SUGCT: variants seen among roughly 807,000 people sequenced by gnomAD.
SUGCT encodes the protein succinyl-CoA:glutarate-CoA transferase.
A neutral mutation model predicts 55.0 loss-of-function variants in SUGCT; 41 were observed. The ratio of observed to expected loss-of-function variants is 0.74; its 90% CI spans 0.58 to 0.97. SUGCT has a LOEUF of 0.97. Among genes scored for constraint, SUGCT ranks in the 50% least tolerant of loss-of-function variants. The pLI, the probability that SUGCT is intolerant of heterozygous loss-of-function variation, is 0.00. For synonymous variants in SUGCT, 187 were observed against 200.4 expected (o/e 0.93, Z 0.56); for missense variants, 568 against 547.8 (o/e 1.04, Z -0.37).
At chr7:40,823,489 C>T (rs903051401) in intron 13 of SUGCT, among the ~76,000 whole-genome samples, 3 of 152,052 alleles carry the variant, frequency 2.0e-5, no homozygotes, top group African/African-American at 7.2e-5. Flanking sequence ...AAGGTGGTAA[C>T]TGTCGTTTCA....
chr7:40,894,883 C>G, the SUGCT span, among the ~76,000 whole-genome samples: 5,388 of 152,190 alleles, frequency 0.035, 307 homozygotes, highest in African/African-American at 0.12. Flanking sequence ...TTAGTTCGGC[C>G]ACGTAGAAAG....
At chr7:40,729,847 T>TATCC (rs1222830736) in intron 12 of SUGCT, among the ~76,000 whole-genome samples, 16 of 152,204 alleles carry the variant, frequency 1.1e-4, no homozygotes, top group African/African-American at 3.9e-4. Context: ...ATGTAGGTTG[T>TATCC]ATCCAAGGGT....
chr7:40,170,557 A>G (rs1052067983), intron 1 of SUGCT, among the ~76,000 whole-genome samples: 2 of 152,244 alleles, frequency 1.3e-5, no homozygotes, highest in South Asian at 2.1e-4. Context: ...TCCAATGAGC[A>G]TTAGTCCTAG....
At chr7:40,249,609 T>C (rs1042398052) in intron 7 of SUGCT, among the ~76,000 whole-genome samples, 1 of 151,798 alleles carries the variant, frequency 6.6e-6, no homozygotes, top group Non-Finnish European at 1.5e-5. Flanking sequence ...TAAGTATTAG[T>C]TCACTAACAA....
intron 12 of SUGCT, among the ~76,000 whole-genome samples, chr7:40,569,837 T>C (rs1796346273): frequency 6.6e-6 from 1 of 152,232 alleles, no homozygotes; most frequent in African/African-American, 2.4e-5. Flanking sequence ...TTTAATCATG[T>C]TAAGCCTTCG....
intron 9 of SUGCT, among the ~76,000 whole-genome samples, chr7:40,348,699 CCTT>C (rs1562702961): frequency 1.3e-5 from 2 of 152,110 alleles, no homozygotes; most frequent in African/African-American, 4.8e-5. Context: ...TATTTTTGCT[CCTT>C]TTCTTCTTCC....
At chr7:40,740,362 A>T (rs1370529298) in intron 12 of SUGCT, among the ~76,000 whole-genome samples, 1 of 150,580 alleles carries the variant, frequency 6.6e-6, no homozygotes, top group Non-Finnish European at 1.5e-5. Context: ...TCCTTTTTAA[A>T]TTTTTCTTTT....
intron 10 of SUGCT, among the ~76,000 whole-genome samples, 186 bp downstream of exon 10, chr7:40,449,544 T>G (rs907194519): frequency 2.7e-4 from 41 of 152,294 alleles, no homozygotes; most frequent in African/African-American, 9.6e-4. Flanking sequence ...TTTGGCTGTA[T>G]TTTAAAGTGA....
At chr7:40,986,117 C>T in the SUGCT span, among the ~76,000 whole-genome samples, 15 of 152,314 alleles carry the variant, frequency 9.8e-5, no homozygotes, top group South Asian at 2.9e-3. Context: ...TGATTACCAA[C>T]AGAATCCTCA....
chr7:41,024,815 A>G, the SUGCT span, among the ~76,000 whole-genome samples: 1 of 152,200 alleles, frequency 6.6e-6, no homozygotes, highest in African/African-American at 2.4e-5. Context: ...TTCAGACCCT[A>G]CAACCTGGGT....
At chr7:40,553,265 G>C (rs1315756359) in intron 12 of SUGCT, among the ~76,000 whole-genome samples, 1 of 152,078 alleles carries the variant, frequency 6.6e-6, no homozygotes, top group Non-Finnish European at 1.5e-5. Flanking sequence ...TGCAAATTAG[G>C]GAACTCCTAG....
chr7:40,721,181 T>C (rs1389064173), intron 12 of SUGCT, among the ~76,000 whole-genome samples: 1 of 152,220 alleles, frequency 6.6e-6, no homozygotes, highest in Admixed American at 6.5e-5. Context: ...ACTATCTGCC[T>C]GTTGCTGTGT....
chr7:40,344,012 G>A (rs936928673), intron 9 of SUGCT, among the ~76,000 whole-genome samples: 4 of 152,158 alleles, frequency 2.6e-5, no homozygotes, highest in Admixed American at 6.5e-5. Context: ...CCTGTTCCCA[G>A]GAGGTTGCGT....
At chr7:40,868,451 T>C in the SUGCT span, among the ~76,000 whole-genome samples, 5 of 152,318 alleles carry the variant, frequency 3.3e-5, 1 homozygote, top group South Asian at 1.0e-3. Flanking sequence ...TTGAGGATGA[T>C]GGCTTCCAGC....
At chr7:40,997,816 A>G in the SUGCT span, among the ~76,000 whole-genome samples, 2 of 152,188 alleles carry the variant, frequency 1.3e-5, no homozygotes, top group Non-Finnish European at 2.9e-5. Context: ...GTTGAATGGG[A>G]GTGATAAGCC....
At position 40,293,096 on chromosome 7, in the gene SUGCT, C is replaced by CT. The variant is rs111947963; in HGVS notation, c.720+18449dup. 2.3e-3 allele frequency among the ~76,000 whole-genome samples: 351 copies of CT among 151,344 alleles called. 1 individual carries two copies. Among genetic ancestry groups the CT allele is most frequent in the African/African-American group, 7.6e-3 (314 of 41,280 alleles). On this transcript the variant is annotated intron_variant, in intron 8 of 13. Transcript: ENST00000335693. The stretch of plus-strand genomic sequence containing the variant: ...TTTGTTTGTTTAAAAGTGTTGAAAA[C>CT]TTTTTTTTTAATTGTATGTAGTCAT...
chr7:40,226,306 A>G (rs1164536194), intron 6 of SUGCT, among the ~76,000 whole-genome samples: 1 of 152,234 alleles, frequency 6.6e-6, no homozygotes, highest in Admixed American at 6.5e-5. Context: ...AGAAGGACAA[A>G]CTACTAAATT....
intron 12 of SUGCT, among the ~76,000 whole-genome samples, chr7:40,554,610 T>C (rs181715372): frequency 6.6e-6 from 1 of 152,318 alleles, no homozygotes; most frequent in East Asian, 1.9e-4. Flanking sequence ...AAAGCTGACT[T>C]TTACAGAAGA....
At chr7:40,914,714 A>G in the SUGCT span, among the ~76,000 whole-genome samples, 1 of 152,210 alleles carries the variant, frequency 6.6e-6, no homozygotes, top group Non-Finnish European at 1.5e-5. Context: ...ACACTGCTGT[A>G]TCTCAGACCT....
Sources: allele counts gnomAD v4.1 joint callset (sites outside exome capture counted in the v4.1 genomes callset), GRCh38; gene constraint gnomAD v4.1.1; transcripts MANE v1.5; gene names NCBI Gene and HGNC (gene_info 2026-07-23, HGNC 2026-07-21).